Variants in SLC25A10 observed in about 807,000 individuals in gnomAD.
SLC25A10 encodes mitochondrial dicarboxylate carrier.
A neutral mutation model predicts 40.4 loss-of-function variants in SLC25A10; 32 were observed. The observed-to-expected ratio is 0.79, with a 90% CI of 0.60 to 1.06. The LOEUF is 1.06. Ranked by LOEUF, SLC25A10 falls within the 50% of genes least tolerant of loss-of-function variation. The pLI, the probability that SLC25A10 is intolerant of heterozygous loss-of-function variation, is 0.00. For synonymous variants in SLC25A10, 181 were observed against 171.1 expected, an observed-to-expected ratio of 1.06 and a Z score of -0.45; for missense variants, 394 against 402.6, an observed-to-expected ratio of 0.98 and a Z score of 0.18.
chr17:81,715,979 C>T (rs779405869), intron 4 of SLC25A10, 30 bp from the exon 5 acceptor site: 44 of 1,558,290 alleles, frequency 2.8e-5, no homozygotes, highest in East Asian at 4.8e-5. Context: ...TCGGCCCGCC[C>T]GCCCCTCCCG....
intron 1 of SLC25A10, 77 bp downstream of exon 1, chr17:81,712,596 C>A: frequency 9.5e-7 from 1 of 1,056,760 alleles, no homozygotes; most frequent in Non-Finnish European, 1.2e-6. Flanking sequence ...GCAGCCCGGC[C>A]CCACGCACCC....
chr17:81,719,866 CG>C lies in SLC25A10; in HGVS notation c.744del (p.Pro249LeufsTer91), dbSNP rs1568233027. ...FHCAVETAKLGPLAFYKGLVP... is the reference protein window; with the variant it reads ...FHCAVETAKLXPLAFYKGLVP... Reference sequence around the variant, plus strand: ...ACTGCGCCGTGGAGACAGCGAAGCTCGGGCCTCTGGCCTTTTACAAGGTGCA... The same window carrying C: ...ACTGCGCCGTGGAGACAGCGAAGCTCGGCCTCTGGCCTTTTACAAGGTGCA... On this transcript the variant is annotated frameshift_variant, in exon 10 of 11. Coordinates refer to ENST00000350690, the MANE Select transcript of SLC25A10 (RefSeq NM_012140.5). LOFTEE classifies it high-confidence loss of function. The C allele has an allele frequency of 6.2e-7, 1 of 1,613,712 alleles. No homozygotes were observed. Among genetic ancestry groups the C allele is most frequent in the Non-Finnish European group, 8.5e-7 (1 of 1,179,998 alleles).
In SLC25A10 at chr17:81,715,689, G is replaced by A. The variant is rs528925467; in HGVS notation, c.329-4G>A. The A allele has an allele frequency of 2.3e-5, 37 of 1,613,346 alleles. No homozygotes were observed. In the South Asian group the frequency reaches 2.6e-4, roughly 11 times the overall value. On this transcript the variant is annotated splice_polypyrimidine_tract_variant and splice_region_variant and intron_variant, in intron 3 of 10. Transcript: ENST00000350690. ...GCTCATCTCTGGGGTTTGTGTCACC[G>A]CAGGTTTAGCTGGAGGCTTCGTGGG...
At position 81,716,913 on chromosome 17, in the gene SLC25A10, G is replaced by A. The variant is rs538446928; in HGVS notation, c.463+58G>A. On this transcript the variant is annotated intron_variant, in intron 6 of 10. Transcript: ENST00000350690. ...CTGGGGGGCAGGCAGGGTGGGCAGC[G>A]CTGTAGAAGACTGGGCGCTGAGGGA... 32 of 1,604,534 alleles carry A rather than the reference G, an allele frequency of 2.0e-5. No individual in the cohort carries two copies. In the Admixed American group the frequency reaches 2.0e-4, roughly 10 times the overall value.
chr17:81,720,056 T>A lies in SLC25A10; in HGVS notation c.843T>A (p.Phe281Leu). Residue 281 changes from phenylalanine to leucine, a missense_variant, in exon 11 of 11, where the codon TTT (phenylalanine) becomes TTA (leucine). By Grantham distance (22) the Phe-to-Leu change is conservative. Coordinates refer to ENST00000350690, the MANE Select transcript of SLC25A10 (RefSeq NM_012140.5). Reference sequence around the variant, plus strand: ...TTCTGGAACAGCTACGCAAAAACTTTGGCATCAAAGTGCCATCCTGACCAG... The same window carrying A: ...TTCTGGAACAGCTACGCAAAAACTTAGGCATCAAAGTGCCATCCTGACCAG... ...FVFLEQLRKN[F>L]GIKVPS 1 of 1,613,400 alleles carries A rather than the reference T, an allele frequency of 6.2e-7. No homozygotes were observed. The highest frequency in any genetic ancestry group is 8.5e-7 in the Non-Finnish European group (1 of 1,180,020).
intron 4 of SLC25A10, 95 bp downstream of exon 4, chr17:81,715,836 C>G: frequency 1.3e-6 from 2 of 1,537,056 alleles, no homozygotes; most frequent in East Asian, 2.3e-5. Context: ...TGGGGTCAGC[C>G]TGGAATAAGC....
Position 81,714,991 on chromosome 17 carries a change from G to A in SLC25A10, c.132G>A (p.Met44Ile). 1 of 1,609,822 alleles carries A rather than the reference G, an allele frequency of 6.2e-7. No individual in the cohort carries two copies. Among genetic ancestry groups the A allele is most frequent in the Non-Finnish European group, 8.5e-7 (1 of 1,179,938 alleles). ...LQTQQEVKLR[M>I]TGMALRVVRT... The stretch of plus-strand genomic sequence containing the variant: ...CGCAGCAGGAGGTGAAGCTGCGCAT[G>A]ACGGGCATGGCGCTGCGGGTGGTGC... Residue 44 changes from methionine (M) to isoleucine (I), a missense_variant, in exon 2 of 11, where the codon ATG becomes ATA. Physicochemically the swap from Met to Ile is conservative, Grantham distance 10. Transcript: ENST00000350690.
At chr17:81,718,898 G>A (rs753852530) in intron 9 of SLC25A10, among the ~76,000 whole-genome samples, 3 of 151,538 alleles carry the variant, frequency 2.0e-5, no homozygotes, top group African/African-American at 7.3e-5. Flanking sequence ...GCAGTGAGCC[G>A]AGATTGCACC....
At chr17:81,717,202 G>T in intron 7 of SLC25A10, 130 bp downstream of exon 7, 1 of 1,178,706 alleles carries the variant, frequency 8.5e-7, no homozygotes, top group South Asian at 1.3e-5. Flanking sequence ...ACCTTGTGGG[G>T]CAGGGTGGGG....
intron 9 of SLC25A10, among the ~76,000 whole-genome samples, chr17:81,718,775 C>T (rs1431437341): frequency 6.6e-5 from 10 of 150,624 alleles, no homozygotes; most frequent in East Asian, 2.0e-4. Context: ...GGTGAAACCC[C>T]GTCTCTACTA....
rs570487573 is a variant in SLC25A10 at position 81,717,874 on chromosome 17, C to T, written c.705+13C>T. 1.9e-6 allele frequency: 3 copies of T among 1,597,752 alleles called. No homozygotes were observed. The East Asian group carries it at 6.8e-5, about 36-fold the overall frequency. On this transcript the variant is annotated intron_variant, in intron 9 of 10. Transcript: ENST00000350690. ...GGGGGAGTATCAGGTGAGTGGGGCC[C>T]TGCCTGTGCAGTTGGGCTGCACAGC...
At position 81,716,315 on chromosome 17, in the gene SLC25A10, G is replaced by T. The variant is rs560489004; in HGVS notation, c.419+265G>T. ...CAGGGTGGTGAGTGCGGAGGCGAAC[G>T]CCCCAGGCATGGAGAGAGCGCATGC... On this transcript the variant is annotated intron_variant, in intron 5 of 10. Coordinates refer to ENST00000350690, the MANE Select transcript of SLC25A10 (RefSeq NM_012140.5). Among the ~76,000 whole-genome samples the T allele has an allele frequency of 1.4e-4, 21 of 152,310 alleles. No individual in the cohort carries two copies. The East Asian group carries it at 3.7e-3, about 27-fold the overall frequency.
At position 81,716,832 on chromosome 17, in the gene SLC25A10, G is replaced by A; in HGVS notation, c.440G>A (p.Gly147Asp). The change falls in exon 6 of 11, where the codon GGC becomes GAC. Residue 147 changes from glycine to aspartate, a missense_variant. By Grantham distance (94) the Gly-to-Asp change is moderately conservative. Transcript: ENST00000350690. ...QRRNYAHALD[G>D]LYRVAREEGL... ...GGCAGCTACGCCCATGCGCTGGATGGCCTGTACCGCGTAGCTCGTGAAGGT... is the reference window on the plus strand; with the variant it reads ...GGCAGCTACGCCCATGCGCTGGATGACCTGTACCGCGTAGCTCGTGAAGGT... The A allele has an allele frequency of 1.2e-6, 2 of 1,610,568 alleles. No homozygotes were observed. Among genetic ancestry groups the A allele is most frequent in the Non-Finnish European group, 1.7e-6 (2 of 1,178,742 alleles).
rs11150813 is a variant in SLC25A10 at position 81,720,188 on chromosome 17, G to A, written c.*111G>A. The A allele has an allele frequency of 0.39, 593,377 of 1,513,578 alleles. 117,572 individuals carry two copies. The highest frequency in any genetic ancestry group is 0.46 in the Admixed American group (21,542 of 47,044). The allele number at this position is 1,513,578 out of a possible 1,614,324, so 93.8% of individuals were successfully genotyped here. On this transcript the variant is annotated 3_prime_UTR_variant, in exon 11 of 11. Coordinates refer to ENST00000350690, the MANE Select transcript of SLC25A10 (RefSeq NM_012140.5). ...ACGACCTCCCTGGCCGTGGCCACCC[G>A]TCCTCCGCAGCAGGCCCCTGCTGTC...
In SLC25A10 at chr17:81,720,504, C is replaced by T; in HGVS notation, c.*427C>T. On this transcript the variant is annotated 3_prime_UTR_variant, in exon 11 of 11. Coordinates refer to ENST00000350690, the MANE Select transcript of SLC25A10 (RefSeq NM_012140.5). ...GTGTGGGTGCAGCCTGGCTGTTGCT[C>T]ACCCAAGTGCTAGCTCTGCACTTCG... 1.5e-6 allele frequency: 2 copies of T among 1,315,166 alleles called. No individual in the cohort carries two copies. The highest frequency in any genetic ancestry group is 1.9e-6 in the Non-Finnish European group (2 of 1,037,434). 81.5% of individuals were successfully genotyped at this position (1,315,166 alleles called of 1,614,324 possible).
Position 81,717,251 on chromosome 17 carries a change from C to A in SLC25A10, c.535-148C>A, listed in dbSNP as rs1010913509. On this transcript the variant is annotated intron_variant, in intron 7 of 10. Transcript: ENST00000350690. The stretch of plus-strand genomic sequence containing the variant: ...CAGGGCTGCAGCCTGTGAAGGACCT[C>A]GGGCAGGTGCCTCCCCTGTCTGGGC... 4 of 994,326 alleles carry A rather than the reference C, an allele frequency of 4.0e-6. No individual in the cohort carries two copies. The African/African-American group carries it at 4.7e-5, about 12-fold the overall frequency. The allele number at this position is 994,326 out of a possible 1,614,324, so 61.6% of individuals were successfully genotyped here. A position where few individuals can be genotyped will look rare whatever the true frequency, so the allele number is the denominator to read the frequency against.
chr17:81,716,150 A>G (rs1025346984), intron 5 of SLC25A10, 100 bp downstream of exon 5: 11 of 1,335,008 alleles, frequency 8.2e-6, no homozygotes, highest in Admixed American at 2.3e-5. Flanking sequence ...AGGCTCCAGC[A>G]GGCCGAGGTG....
At chr17:81,714,566 C>T (rs564689139) in intron 1 of SLC25A10, among the ~76,000 whole-genome samples, 14 of 152,308 alleles carry the variant, frequency 9.2e-5, no homozygotes, top group Non-Finnish European at 1.5e-4. Context: ...CCTCTTGAGA[C>T]GTGGTGTGGT....
Position 81,712,507 on chromosome 17 carries a change from G to A in SLC25A10, c.81G>A (p.Leu27=). The change falls in exon 1 of 11, where the codon CTG becomes CTA. Residue 27 remains leucine, a synonymous_variant. Coordinates refer to ENST00000350690, the MANE Select transcript of SLC25A10 (RefSeq NM_012140.5). ...GGGCCGCCTGCTGCACGCACCCGCT[G>A]GACCTGCTCAAGGTGAGGCCGGGGC... ...SCGAACCTHP[L]DLLKVHLQTQ... is the part of the protein sequence containing the mutation. The A allele has an allele frequency of 7.8e-7, 1 of 1,286,578 alleles. No individual in the cohort carries two copies. The highest frequency in any genetic ancestry group is 9.8e-7 in the Non-Finnish European group (1 of 1,019,218). The allele number at this position is 1,286,578 out of a possible 1,614,324, so 79.7% of individuals were successfully genotyped here. A position where few individuals can be genotyped will look rare whatever the true frequency, so the allele number is the denominator to read the frequency against.
Sources: gnomAD v4.1 joint callset for allele counts (sites outside exome capture counted in the v4.1 genomes callset) on GRCh38, gnomAD v4.1.1 for gene constraint, MANE v1.5 for transcripts, NCBI Gene and HGNC (gene_info 2026-07-23, HGNC 2026-07-21) for gene names.